The following COMMD2 variants were observed in gnomAD, a reference collection of about 807,000 sequenced individuals.
COMMD2 encodes the protein COMM domain-containing protein 2.
In COMMD2, 25 loss-of-function variants were observed where a neutral mutation model predicts 22.5. That is an observed-to-expected ratio of 1.11 (90% CI 0.81 to 1.55). The LOEUF is 1.55. COMMD2 is among the 40% of genes most tolerant of loss of function. The pLI is 0.00. For synonymous variants in COMMD2, 98 were observed against 91.2 expected (o/e 1.07, Z -0.42); for missense variants, 223 against 232.9 (o/e 0.96, Z 0.28).
intron 3 of COMMD2, 29 bp downstream of exon 3, chr3:149,751,374 A>C (rs529383634): frequency 6.2e-7 from 1 of 1,614,014 alleles, no homozygotes; most frequent in East Asian, 2.2e-5. Context: ...GAATCCAGCC[A>C]ACACAAAACA....
At chr3:149,744,520 G>A (rs577810399) in intron 4 of COMMD2, among the ~76,000 whole-genome samples, 15 of 152,168 alleles carry the variant, frequency 9.9e-5, no homozygotes, top group Non-Finnish European at 4.4e-5. Flanking sequence ...ATTAAGTCTG[G>A]GGAAATGTTC....
chr3:149,749,418 C>G (rs1177322516), intron 4 of COMMD2, among the ~76,000 whole-genome samples: 1 of 152,186 alleles, frequency 6.6e-6, no homozygotes, highest in African/African-American at 2.4e-5. Context: ...GAAGAAGCCA[C>G]TACAACAGTG....
chr3:149,744,495 T>C (rs901476813), intron 4 of COMMD2, among the ~76,000 whole-genome samples: 1 of 152,208 alleles, frequency 6.6e-6, no homozygotes, highest in African/African-American at 2.4e-5. Flanking sequence ...AGGACATCAA[T>C]TGTGTTGGCA....
intron 4 of COMMD2, among the ~76,000 whole-genome samples, chr3:149,746,573 C>T (rs1158118160): frequency 1.3e-5 from 2 of 150,550 alleles, no homozygotes; most frequent in Non-Finnish European, 1.5e-5. Flanking sequence ...AGATCGAGAC[C>T]ATTCTGGCTA....
At chr3:149,742,566 G>A (rs1264808834) in intron 4 of COMMD2, among the ~76,000 whole-genome samples, 9 of 152,030 alleles carry the variant, frequency 5.9e-5, no homozygotes, top group Non-Finnish European at 1.3e-4. Flanking sequence ...AGCAACATGG[G>A]TTATCATAGA....
Position 149,740,144 on chromosome 3 carries a change from C to G in COMMD2, c.*1377G>C, listed in dbSNP as rs938090814. The G allele has an allele frequency of 1.3e-5, 2 of 152,072 alleles. No individual in the cohort carries two copies. The highest frequency in any genetic ancestry group is 2.9e-5 in the Non-Finnish European group (2 of 68,016). 9.4% of individuals were successfully genotyped at this position (152,072 alleles called of 1,614,324 possible). On this transcript the variant is annotated 3_prime_UTR_variant, in exon 5 of 5. Coordinates refer to ENST00000473414, the MANE Select transcript of COMMD2 (RefSeq NM_016094.4). Reference sequence around the variant, plus strand: ...CTTGGACACATAGTTAAGACTGAACCCTCATTTCCACCCTTCCATACAATT... The same window carrying G: ...CTTGGACACATAGTTAAGACTGAACGCTCATTTCCACCCTTCCATACAATT...
chr3:149,752,407 A>C lies in COMMD2; in HGVS notation c.38T>G (p.Leu13Arg). 1 of 1,614,160 alleles carries C rather than the reference A, an allele frequency of 6.2e-7. No homozygotes were observed. Among genetic ancestry groups the C allele is most frequent in the South Asian group, 1.1e-5 (1 of 91,082 alleles). ...GCTGTCCACTTGAGGCAGGAAGGCC[A>C]GGTGTTCCTTATGCTCCTCGGACAA... ...LELSEEHKEHLAFLPQVDSAV... is the reference protein window; with the variant it reads ...LELSEEHKEHRAFLPQVDSAV... The change falls in exon 1 of 5, where the codon CTG (leucine) becomes CGG (arginine). Residue 13 changes from leucine (L) to arginine (R), a missense_variant. Transcript: ENST00000473414.
chr3:149,751,577 T>C, intron 2 of COMMD2, 92 bp from the exon 3 acceptor site: 10 of 1,158,458 alleles, frequency 8.6e-6, no homozygotes, highest in Non-Finnish European at 1.1e-5. Context: ...CTATTCATTA[T>C]TACATGTTTT....
At chr3:149,747,090 C>A (rs1029372852) in intron 4 of COMMD2, among the ~76,000 whole-genome samples, 1 of 152,138 alleles carries the variant, frequency 6.6e-6, no homozygotes, top group African/African-American at 2.4e-5. Flanking sequence ...TAGAACCAAA[C>A]CGTATCAGTG....
rs889161173 is a variant in COMMD2 at position 149,742,612 on chromosome 3, A to C, written c.403-894T>G. Among the ~76,000 whole-genome samples the C allele has an allele frequency of 2.0e-5, 3 of 152,206 alleles. No homozygotes were observed. The East Asian group carries it at 5.8e-4, about 29-fold the overall frequency. On this transcript the variant is annotated intron_variant, in intron 4 of 4. Coordinates refer to ENST00000473414, the MANE Select transcript of COMMD2 (RefSeq NM_016094.4). ...ATGTTGAAAAAAAGCAAGTCACAGAATATGTTCAAGTTTAAAAAATATACA... is the reference window on the plus strand; with the variant it reads ...ATGTTGAAAAAAAGCAAGTCACAGACTATGTTCAAGTTTAAAAAATATACA...
chr3:149,746,296 G>A (rs77438511), intron 4 of COMMD2, among the ~76,000 whole-genome samples: 6,820 of 152,060 alleles, frequency 0.045, 414 homozygotes, highest in African/African-American at 0.13. Context: ...ACTTGCAGAT[G>A]GACTAGATGA....
chr3:149,750,589 A>T, intron 4 of COMMD2, 89 bp downstream of exon 4: 2 of 882,930 alleles, frequency 2.3e-6, no homozygotes, highest in Non-Finnish European at 3.5e-6. Flanking sequence ...ACCGCATCTT[A>T]GTTAAGGTGG....
intron 4 of COMMD2, among the ~76,000 whole-genome samples, chr3:149,747,743 C>T (rs1239500255): frequency 6.6e-6 from 1 of 151,972 alleles, no homozygotes; most frequent in African/African-American, 2.4e-5. Context: ...TCGAGACCAG[C>T]CTGGCCAACG....
rs1311168450 is a variant in COMMD2, at chr3:149,738,486, T to C, written c.*3035A>G. 1.3e-5 allele frequency: 2 copies of C among 152,134 alleles called. No homozygotes were observed. Among genetic ancestry groups the C allele is most frequent in the South Asian group, 2.1e-4 (1 of 4,820 alleles). The allele number at this position is 152,134 out of a possible 1,614,324, so 9.4% of individuals were successfully genotyped here. ...GTCTACAAAACTATTTCAATAATGGTAAACATTTATTGAGTTCTTTGTAAA... is the reference window on the plus strand; with the variant it reads ...GTCTACAAAACTATTTCAATAATGGCAAACATTTATTGAGTTCTTTGTAAA... On this transcript the variant is annotated 3_prime_UTR_variant, in exon 5 of 5. Coordinates refer to ENST00000473414, the MANE Select transcript of COMMD2 (RefSeq NM_016094.4).
rs537034390 is a variant in COMMD2 at position 149,752,124 on chromosome 3, G to C, written c.145+86C>G. ...CAATCGGAACAAGACCCTAGGACTC[G>C]CAATAATCCGTTTCTCTCCCGGGAG... On this transcript the variant is annotated intron_variant, in intron 2 of 4. Transcript: ENST00000473414. The C allele has an allele frequency of 3.3e-5, 36 of 1,105,970 alleles. No homozygotes were observed. In the African/African-American group the frequency reaches 4.7e-4, roughly 14 times the overall value. 68.5% of individuals were successfully genotyped at this position (1,105,970 alleles called of 1,614,324 possible).
chr3:149,744,986 T>C (rs1280724876), intron 4 of COMMD2, among the ~76,000 whole-genome samples: 2 of 152,164 alleles, frequency 1.3e-5, no homozygotes, highest in African/African-American at 2.4e-5. Context: ...GTCTTCATAA[T>C]GGACAAACTC....
chr3:149,750,436 T>C (rs1716498397), intron 4 of COMMD2: 1 of 539,102 alleles, frequency 1.9e-6, no homozygotes. Context: ...ACCTAAAAAA[T>C]CTATATAACC....
At chr3:149,746,423 G>A (rs1483374684) in intron 4 of COMMD2, among the ~76,000 whole-genome samples, 2 of 152,064 alleles carry the variant, frequency 1.3e-5, no homozygotes, top group Non-Finnish European at 2.9e-5. Context: ...AGTAGAGAGG[G>A]GGTGTATTAG....
At chr3:149,748,342 A>G (rs963623867) in intron 4 of COMMD2, among the ~76,000 whole-genome samples, 1 of 152,192 alleles carries the variant, frequency 6.6e-6, no homozygotes, top group Admixed American at 6.5e-5. Flanking sequence ...CAAGGTCAAC[A>G]CCTAAGCATG....
Sources: allele counts gnomAD v4.1 joint callset (sites outside exome capture counted in the v4.1 genomes callset), GRCh38; gene constraint gnomAD v4.1.1; transcripts MANE v1.5; gene names NCBI Gene and HGNC (gene_info 2026-07-23, HGNC 2026-07-21).